Variants in CYP27C1 observed in about 807,000 individuals in gnomAD.
CYP27C1 encodes cytochrome P450 family 27 subfamily C member 1.
In CYP27C1, 29 loss-of-function variants were observed where a neutral mutation model predicts 40.6. The ratio of observed to expected loss-of-function variants is 0.71; its 90% CI spans 0.53 to 0.97. CYP27C1 has a LOEUF of 0.97. CYP27C1 is among the 50% of genes least tolerant of loss of function. The probability of loss-of-function intolerance (pLI) is 0.00; values close to 1 mark genes in which losing one functional copy is unlikely to be tolerated. For synonymous variants in CYP27C1, 198 were observed against 186.8 expected (o/e 1.06, Z -0.49); for missense variants, 390 against 485.8 (o/e 0.80, Z 1.85).
At chr2:127,211,912 T>C (rs1014598205) in intron 1 of CYP27C1, among the ~76,000 whole-genome samples, 3 of 151,704 alleles carry the variant, frequency 2.0e-5, no homozygotes, top group African/African-American at 7.3e-5. Flanking sequence ...GAACTGGTTT[T>C]TGGAAAAAAT....
At chr2:127,187,746 G>C (rs956989472) in intron 8 of CYP27C1, among the ~76,000 whole-genome samples, 3 of 152,176 alleles carry the variant, frequency 2.0e-5, no homozygotes, top group Non-Finnish European at 4.4e-5. Context: ...AGGAGCAGGG[G>C]GAAATGCGGA....
rs536451895 is a variant in CYP27C1 at position 127,201,721 on chromosome 2, C to G, written c.674-390G>C. Among the ~76,000 whole-genome samples, 7 of 152,304 alleles carry G rather than the reference C, an allele frequency of 4.6e-5. No homozygotes were observed. The highest frequency in any genetic ancestry group is 1.7e-4 in the African/African-American group (7 of 41,564). On this transcript the variant is annotated intron_variant, in intron 3 of 8. Transcript: ENST00000664447. This position sits in a 1 kb window ranked among gnomAD's most constrained non-coding sequence, Gnocchi z 6.0. ...ATCACCGAGCGTGTCACTGCTCTCC[C>G]CCAACACCCTCCTCTCAGGAAGGAG... is the stretch of plus-strand genomic sequence containing the variant.
In CYP27C1 at chr2:127,203,409, G is replaced by T; in HGVS notation, c.636C>A (p.Thr212=). Residue 212 remains threonine (T), a synonymous_variant, in exon 3 of 9, where the codon ACC becomes ACA. Coordinates refer to ENST00000664447, the MANE Select transcript of CYP27C1 (RefSeq NM_001367502.1). ...RSQAEDGETV[T]NVNDLFFKYS... is the part of the protein sequence containing the mutation. ...ATTTGAAGAAAAGATCATTGACATT[G>T]GTCACGGTTTCTCCATCTTCTGCCT... 1 of 1,613,548 alleles carries T rather than the reference G, an allele frequency of 6.2e-7. No individual in the cohort carries two copies. Among genetic ancestry groups the T allele is most frequent in the Non-Finnish European group, 8.5e-7 (1 of 1,179,904 alleles).
Position 127,193,387 on chromosome 2 carries a change from C to T in CYP27C1, c.1294-90G>A, listed in dbSNP as rs554424004. 184 of 1,523,982 alleles carry T rather than the reference C, an allele frequency of 1.2e-4. No individual in the cohort carries two copies. In the East Asian group the frequency reaches 3.3e-3, roughly 27 times the overall value. 94.4% of individuals were successfully genotyped at this position (1,523,982 alleles called of 1,614,324 possible). On this transcript the variant is annotated intron_variant, in intron 7 of 8. Coordinates refer to ENST00000664447, the MANE Select transcript of CYP27C1 (RefSeq NM_001367502.1). ...CCAGAGCCCTAGCCGGACAGTCTCCCGGGGTGCTCCCGCCTGGGGGCCGCC... is the reference window on the plus strand; with the variant it reads ...CCAGAGCCCTAGCCGGACAGTCTCCTGGGGTGCTCCCGCCTGGGGGCCGCC...
chr2:127,199,746 C>A (rs372880476), intron 4 of CYP27C1, among the ~76,000 whole-genome samples: 1 of 152,190 alleles, frequency 6.6e-6, no homozygotes, highest in East Asian at 1.9e-4. Context: ...ACAAGCTAAA[C>A]GTATCTTCCT....
intron 5 of CYP27C1, among the ~76,000 whole-genome samples, chr2:127,198,622 A>C (rs1250207869): frequency 2.6e-5 from 4 of 152,342 alleles, no homozygotes; most frequent in East Asian, 3.9e-4. Flanking sequence ...TGATCCCATA[A>C]GATTATAAAG....
At position 127,186,390 on chromosome 2, in the gene CYP27C1, A is replaced by ATTTTC. The variant is rs1249853784; in HGVS notation, c.*880_*881insGAAAA. The ATTTTC allele has an allele frequency of 1.3e-5, 2 of 150,676 alleles. No individual in the cohort carries two copies. The highest frequency in any genetic ancestry group is 3.0e-5 in the Non-Finnish European group (2 of 67,758). The allele number at this position is 150,676 out of a possible 1,614,324, so 9.3% of individuals were successfully genotyped here. On this transcript the variant is annotated 3_prime_UTR_variant, in exon 9 of 9. Transcript: ENST00000664447. The surrounding 1 kb of genome is among the most constrained non-coding windows in gnomAD (Gnocchi z 4.5). Reference sequence around the variant, plus strand: ...CAGCCATTTTATTTTATTTTATTTTATTTTATTTTATTTTATTTTATTTTT... The same window carrying ATTTTC: ...CAGCCATTTTATTTTATTTTATTTTATTTTCTTTTATTTTATTTTATTTTATTTTT...
chr2:127,199,403 A>T lies in CYP27C1; in HGVS notation c.1020T>A (p.Thr340=). The change falls in exon 5 of 9, where the codon ACT becomes ACA. Residue 340 remains threonine, a synonymous_variant. Coordinates refer to ENST00000664447, the MANE Select transcript of CYP27C1 (RefSeq NM_001367502.1). ...TGTCGACGCCGGCCAGCAGCATCTCAGTCACGTTGGCGTAGATCTCCTGCA... is the reference window on the plus strand; with the variant it reads ...TGTCGACGCCGGCCAGCAGCATCTCTGTCACGTTGGCGTAGATCTCCTGCA... ...LTLQEIYANV[T]EMLLAGVDTT... 3 of 1,614,118 alleles carry T rather than the reference A, an allele frequency of 1.9e-6. No homozygotes were observed. The highest frequency in any genetic ancestry group is 2.5e-6 in the Non-Finnish European group (3 of 1,179,980).
In CYP27C1 at chr2:127,218,610, G is replaced by A. The variant is rs1370749405; in HGVS notation, c.282+1379C>T. ...GCACGCCCGTTTTTCCATTAATGAG[G>A]GTTGGGGCTTCTCCCTCACGTTCAT... On this transcript the variant is annotated intron_variant, in intron 1 of 8. Coordinates refer to ENST00000664447, the MANE Select transcript of CYP27C1 (RefSeq NM_001367502.1). This position sits in a 1 kb window ranked among gnomAD's most constrained non-coding sequence, Gnocchi z 6.0. 6.6e-6 allele frequency among the ~76,000 whole-genome samples: 1 copy of A among 152,110 alleles called. No individual in the cohort carries two copies. The highest frequency in any genetic ancestry group is 1.5e-5 in the Non-Finnish European group (1 of 68,016).
rs1407831364 is a variant in CYP27C1 at position 127,204,476 on chromosome 2, G to GAA, written c.474-907_474-906dup. Among the ~76,000 whole-genome samples, 18 of 66,090 alleles carry GAA rather than the reference G, an allele frequency of 2.7e-4. 2 individuals are homozygous for GAA. Among genetic ancestry groups the GAA allele is most frequent in the Admixed American group, 2.2e-3 (11 of 5,054 alleles). 43.4% of individuals were successfully genotyped at this position (66,090 alleles called of 152,430 possible). ...AGAAAGAAAGAAAGAAAGAAAGAAAGAAAGAAAGAAAGGAAGGAAGGAAGG... is the reference window on the plus strand; with the variant it reads ...AGAAAGAAAGAAAGAAAGAAAGAAAGAAAAAGAAAGAAAGGAAGGAAGGAAGG... On this transcript the variant is annotated intron_variant, in intron 2 of 8. Coordinates refer to ENST00000664447, the MANE Select transcript of CYP27C1 (RefSeq NM_001367502.1).
chr2:127,187,550 T>C (rs188300108), intron 8 of CYP27C1, among the ~76,000 whole-genome samples, 163 bp from the exon 9 acceptor site: 1 of 152,102 alleles, frequency 6.6e-6, no homozygotes, highest in Non-Finnish European at 1.5e-5. Context: ...TCCAGGTCAG[T>C]GGGAAGCCCG....
chr2:127,210,749 A>G (rs900117432), intron 1 of CYP27C1, among the ~76,000 whole-genome samples: 1 of 152,214 alleles, frequency 6.6e-6, no homozygotes, highest in African/African-American at 2.4e-5. Context: ...TAAACCAACA[A>G]AGATCAAAAA....
Position 127,193,809 on chromosome 2 carries a change from C to T in CYP27C1, c.1273G>A (p.Gly425Arg), listed in dbSNP as rs956405638. 16 of 1,614,112 alleles carry T rather than the reference C, an allele frequency of 9.9e-6. No individual in the cohort carries two copies. The highest frequency in any genetic ancestry group is 2.2e-5 in the East Asian group (1 of 44,900). ...CTCACGCCTTTCGGAATCAGATACC[C>T]GCCAATAACCAGGTCTTCCTGGGTG... ...RVTQEDLVIG[G>R]YLIPKGTQLA... Residue 425 changes from glycine (G) to arginine (R), a missense_variant, in exon 7 of 9, where the codon GGG becomes AGG. By Grantham distance (125) the Gly-to-Arg change is moderately radical. Coordinates refer to ENST00000664447, the MANE Select transcript of CYP27C1 (RefSeq NM_001367502.1).
In CYP27C1 at chr2:127,196,705, G is replaced by C. The variant is rs773510480; in HGVS notation, c.1048-1204C>G. Among the ~76,000 whole-genome samples the C allele has an allele frequency of 6.6e-6, 1 of 151,980 alleles. No homozygotes were observed. Among genetic ancestry groups the C allele is most frequent in the Non-Finnish European group, 1.5e-5 (1 of 68,004 alleles). ...CAAGAGAATAGAAAATTTCTATTTA[G>C]ATCACATTTTTATGGAAAAAATGTG... On this transcript the variant is annotated intron_variant, in intron 5 of 8. Transcript: ENST00000664447. This position sits in a 1 kb window ranked among gnomAD's most constrained non-coding sequence, Gnocchi z 4.5.
rs1573897906 is a variant in CYP27C1, at chr2:127,200,317, A to C, written c.884-778T>G. On this transcript the variant is annotated intron_variant, in intron 4 of 8. Transcript: ENST00000664447. The surrounding 1 kb of genome is among the most constrained non-coding windows in gnomAD (Gnocchi z 4.2). The stretch of plus-strand genomic sequence containing the variant: ...TTGAAAAGACACCATGAAACACTTT[A>C]TTCAGTGTTAGCATTGCTCTAGAAC... 6.6e-6 allele frequency among the ~76,000 whole-genome samples: 1 copy of C among 152,338 alleles called. No individual in the cohort carries two copies. The highest frequency in any genetic ancestry group is 1.9e-4 in the East Asian group (1 of 5,178).
At chr2:127,215,191 T>C (rs1417924772) in intron 1 of CYP27C1, among the ~76,000 whole-genome samples, 1 of 151,052 alleles carries the variant, frequency 6.6e-6, no homozygotes, top group Non-Finnish European at 1.5e-5. Flanking sequence ...AGTAATGGCA[T>C]AATCATTGGC....
chr2:127,214,295 T>C (rs1683386061), intron 1 of CYP27C1, among the ~76,000 whole-genome samples: 1 of 152,188 alleles, frequency 6.6e-6, no homozygotes, highest in Non-Finnish European at 1.5e-5. Flanking sequence ...GAAATACCAT[T>C]TGACCCAGCA....
intron 1 of CYP27C1, among the ~76,000 whole-genome samples, chr2:127,215,621 G>A (rs1371021372): frequency 1.3e-5 from 2 of 152,148 alleles, no homozygotes; most frequent in Admixed American, 1.3e-4. Flanking sequence ...TGTAATCCTA[G>A]CACTCTGGGA....
intron 5 of CYP27C1, among the ~76,000 whole-genome samples, chr2:127,197,084 C>T (rs993047089): frequency 6.6e-6 from 1 of 152,214 alleles, no homozygotes; most frequent in Non-Finnish European, 1.5e-5. Context: ...CTTCTGAATG[C>T]CACCTCATTG....
Sources: gnomAD v4.1 joint callset for allele counts (sites outside exome capture counted in the v4.1 genomes callset) on GRCh38, gnomAD v4.1.1 for gene constraint, Gnocchi (gnomAD v3.1) non-coding constraint, MANE v1.5 for transcripts, NCBI Gene and HGNC (gene_info 2026-07-23, HGNC 2026-07-21) for gene names.